The following DCP2 variants were observed in gnomAD, a reference collection of about 807,000 sequenced individuals.
DCP2 encodes decapping mRNA 2, also known as m7GpppN-mRNA hydrolase.
DCP2 carries 30 observed loss-of-function variants against 56.1 expected under a neutral mutation model. That is an observed-to-expected ratio of 0.53 (90% CI 0.40 to 0.73). The LOEUF (loss-of-function observed/expected upper bound fraction) is 0.73. Ranked by LOEUF, DCP2 falls within the 30% of genes least tolerant of loss-of-function variation. The pLI, the probability that DCP2 is intolerant of heterozygous loss-of-function variation, is 0.00. For synonymous variants in DCP2, 197 were observed against 163.3 expected (o/e 1.21, Z -1.57); for missense variants, 533 against 502.7 (o/e 1.06, Z -0.58).
intron 1 of DCP2, among the ~76,000 whole-genome samples, chr5:112,977,221 C>A (rs550814211): frequency 1.3e-5 from 2 of 152,174 alleles, no homozygotes; most frequent in Non-Finnish European, 2.9e-5. Context: ...GGAATTTCCT[C>A]ATTTTTTAAG....
chr5:113,007,459 C>T (rs1184287963), intron 8 of DCP2, among the ~76,000 whole-genome samples: 5 of 150,438 alleles, frequency 3.3e-5, no homozygotes, highest in East Asian at 2.0e-4. Context: ...GTAGTGCAGT[C>T]GTGCCATCTT....
intron 7 of DCP2, among the ~76,000 whole-genome samples, chr5:113,003,041 T>G (rs1749250908): frequency 6.6e-6 from 1 of 152,218 alleles, no homozygotes; most frequent in Non-Finnish European, 1.5e-5. Flanking sequence ...GTAAACCACC[T>G]CTATAGTAAG....
intron 1 of DCP2, among the ~76,000 whole-genome samples, chr5:112,984,820 T>C (rs1298958160): frequency 9.3e-6 from 1 of 107,746 alleles, no homozygotes; most frequent in Non-Finnish European, 1.9e-5. Context: ...TCCTCCTGCC[T>C]TAGCCTCCCA....
At chr5:113,009,144 C>T (rs1378487884) in intron 9 of DCP2, among the ~76,000 whole-genome samples, 3 of 152,078 alleles carry the variant, frequency 2.0e-5, no homozygotes, top group Admixed American at 1.3e-4. Context: ...CGCTCCCGGC[C>T]GACAGATAAC....
At chr5:113,003,365 C>G (rs1328486211) in intron 7 of DCP2, among the ~76,000 whole-genome samples, 2 of 152,136 alleles carry the variant, frequency 1.3e-5, no homozygotes, top group Non-Finnish European at 2.9e-5. Flanking sequence ...GGGTAGCTTA[C>G]TTTCTCAGAT....
rs535289384 is a variant in DCP2 at position 113,020,255 on chromosome 5, A to C, written c.*6771A>C. On this transcript the variant is annotated 3_prime_UTR_variant, in exon 11 of 11. Transcript: ENST00000389063. Reference sequence around the variant, plus strand: ...ATAACCAAGTAGATTTGTGAACTTTATTTCTTTAGTAATTATTTTTATCTT... The same window carrying C: ...ATAACCAAGTAGATTTGTGAACTTTCTTTCTTTAGTAATTATTTTTATCTT... 3.9e-5 allele frequency: 6 copies of C among 152,180 alleles called. No individual in the cohort carries two copies. The highest frequency in any genetic ancestry group is 7.4e-5 in the Non-Finnish European group (5 of 68,014). 9.4% of individuals were successfully genotyped at this position (152,180 alleles called of 1,614,324 possible). A position where few individuals can be genotyped will look rare whatever the true frequency, so the allele number is the denominator to read the frequency against.
chr5:112,982,223 C>T (rs150872412), intron 1 of DCP2, among the ~76,000 whole-genome samples: 154 of 152,252 alleles, frequency 1.0e-3, no homozygotes, highest in Middle Eastern at 6.8e-3. Context: ...TTTTTTCAAC[C>T]CTTCTCATCC....
intron 9 of DCP2, among the ~76,000 whole-genome samples, chr5:113,010,527 T>A (rs1485285209): frequency 6.6e-6 from 1 of 152,188 alleles, no homozygotes; most frequent in Non-Finnish European, 1.5e-5. Flanking sequence ...ATTTTTTTGA[T>A]GTCTTTATAA....
chr5:112,989,484 A>T (rs2150174105), intron 2 of DCP2, among the ~76,000 whole-genome samples: 1 of 152,248 alleles, frequency 6.6e-6, no homozygotes, highest in Non-Finnish European at 1.5e-5. Flanking sequence ...ATAGTGATTT[A>T]TGTGAGGAAA....
intron 7 of DCP2, among the ~76,000 whole-genome samples, chr5:113,002,976 C>T (rs1317470874): frequency 6.6e-6 from 1 of 152,174 alleles, no homozygotes; most frequent in Admixed American, 6.5e-5. Flanking sequence ...TTGATTTTTA[C>T]ATTTTCTGTA....
chr5:113,016,801 T>G lies in DCP2; in HGVS notation c.*3317T>G, dbSNP rs1247757942. ...CAAAGTTAATTATAAAAATTAGACA[T>G]TTTGCCAAGTTAGTTTTCTTACCAC... On this transcript the variant is annotated 3_prime_UTR_variant, in exon 11 of 11. Coordinates refer to ENST00000389063, the MANE Select transcript of DCP2 (RefSeq NM_152624.6). 6 of 151,982 alleles carry G rather than the reference T, an allele frequency of 3.9e-5. No homozygotes were observed. The highest frequency in any genetic ancestry group is 1.4e-4 in the African/African-American group (6 of 41,420). 9.4% of individuals were successfully genotyped at this position (151,982 alleles called of 1,614,324 possible).
At chr5:112,982,572 G>A (rs79083752) in intron 1 of DCP2, among the ~76,000 whole-genome samples, 144 of 152,200 alleles carry the variant, frequency 9.5e-4, no homozygotes, top group African/African-American at 3.3e-3. Flanking sequence ...ATGGTCTAGC[G>A]TCCACATTTT....
Position 113,021,386 on chromosome 5 carries a change from C to CAAAAAAAAAAAAAAAAAAAAAAACA in DCP2, c.*7920_*7921insAAAAACAAAAAAAAAAAAAAAAAAA, listed in dbSNP as rs61532290. 9.5e-6 allele frequency among the ~76,000 whole-genome samples: 1 copy of CAAAAAAAAAAAAAAAAAAAAAAACA among 105,574 alleles called. No homozygotes were observed. 69.3% of individuals were successfully genotyped at this position (105,574 alleles called of 152,430 possible). ...CTGTCTGGAAAAAACAAAAAACAAC[C>CAAAAAAAAAAAAAAAAAAAAAAACA]AAAAAAAAAAAAAAAAAACCCCCAG... On this transcript the variant is annotated 3_prime_UTR_variant, in exon 11 of 11. Coordinates refer to ENST00000389063, the MANE Select transcript of DCP2 (RefSeq NM_152624.6).
intron 1 of DCP2, among the ~76,000 whole-genome samples, chr5:112,978,731 G>T (rs745383952): frequency 2.6e-5 from 4 of 151,746 alleles, no homozygotes; most frequent in African/African-American, 7.3e-5. Context: ...GTGTATGTGG[G>T]TTAATGACTA....
intron 4 of DCP2, among the ~76,000 whole-genome samples, chr5:112,995,313 T>C (rs1748797800): frequency 6.6e-6 from 1 of 152,210 alleles, no homozygotes; most frequent in Admixed American, 6.5e-5. Flanking sequence ...CTGTAGATGG[T>C]AGGAAATGAG....
chr5:112,998,224 T>G (rs139544306), intron 4 of DCP2, among the ~76,000 whole-genome samples: 1 of 152,336 alleles, frequency 6.6e-6, no homozygotes, highest in African/African-American at 2.4e-5. Context: ...CCCTTGCTGT[T>G]TTGCCTCATA....
intron 9 of DCP2, among the ~76,000 whole-genome samples, chr5:113,009,211 A>AT (rs2150190670): frequency 6.6e-6 from 1 of 152,372 alleles, no homozygotes; most frequent in East Asian, 1.9e-4. Flanking sequence ...TACATTTAAT[A>AT]TGATACCAAT....
chr5:112,983,012 T>A (rs1748082850), intron 1 of DCP2, among the ~76,000 whole-genome samples: 2 of 152,190 alleles, frequency 1.3e-5, no homozygotes, highest in African/African-American at 4.8e-5. Flanking sequence ...AAGCAGACTT[T>A]AAAGGATAAA....
chr5:112,991,151 A>G (rs1203800509), intron 2 of DCP2, among the ~76,000 whole-genome samples: 3 of 152,210 alleles, frequency 2.0e-5, no homozygotes, highest in Non-Finnish European at 4.4e-5. Context: ...AGTATTTGAT[A>G]CATATGGTCA....
Sources: allele counts gnomAD v4.1 joint callset (sites outside exome capture counted in the v4.1 genomes callset), GRCh38; gene constraint gnomAD v4.1.1; transcripts MANE v1.5; gene names NCBI Gene and HGNC (gene_info 2026-07-23, HGNC 2026-07-21).